The following GALNT13 variants were observed in gnomAD, a reference collection of about 807,000 sequenced individuals.
GALNT13 encodes the protein polypeptide N-acetylgalactosaminyltransferase 13.
Under a neutral mutation model 64.2 loss-of-function variants are expected in GALNT13, and 28 were observed. That is an observed-to-expected ratio of 0.44 (90% CI 0.32 to 0.60). The LOEUF (loss-of-function observed/expected upper bound fraction) is 0.60. Ranked by LOEUF, GALNT13 falls within the 20% of genes least tolerant of loss-of-function variation. The pLI is 0.05. For synonymous variants in GALNT13, 214 were observed against 224.6 expected (o/e 0.95, Z 0.42); for missense variants, 577 against 669.8 (o/e 0.86, Z 1.53).
the GALNT13 span, among the ~76,000 whole-genome samples, chr2:153,178,738 T>C: frequency 2.8e-5 from 4 of 143,174 alleles, no homozygotes; most frequent in Admixed American, 7.0e-5. Flanking sequence ...TCTTCTTTTT[T>C]TTTTTTTTTT....
the GALNT13 span, among the ~76,000 whole-genome samples, chr2:153,267,880 A>G: frequency 1.8e-4 from 27 of 152,162 alleles, no homozygotes; most frequent in African/African-American, 6.3e-4. Flanking sequence ...CAAGAGTTCC[A>G]ACTTCAGATA....
chr2:154,296,086 GC>G lies in GALNT13; in HGVS notation c.976-5321del, dbSNP rs1692907762. On this transcript the variant is annotated intron_variant, in intron 8 of 12. Transcript: ENST00000392825. ...TCAAAGTGTGCCTCCTTGCTGATCT[GC>G]CATATTGTTAGTCCCATAGCTCATT... Among the ~76,000 whole-genome samples the G allele has an allele frequency of 3.9e-5, 6 of 152,134 alleles. No homozygotes were observed. In the South Asian group the frequency reaches 1.2e-3, roughly 32 times the overall value.
At chr2:154,053,939 A>G (rs1213443964) in intron 3 of GALNT13, among the ~76,000 whole-genome samples, 1 of 152,058 alleles carries the variant, frequency 6.6e-6, no homozygotes, top group Non-Finnish European at 1.5e-5. Flanking sequence ...AGATTTTCCT[A>G]TTATTTTATC....
At chr2:153,116,957 G>A in the GALNT13 span, among the ~76,000 whole-genome samples, 5 of 151,604 alleles carry the variant, frequency 3.3e-5, no homozygotes, top group East Asian at 3.9e-4. Context: ...CCGCCACCAC[G>A]CCCGGCTAAT....
chr2:153,739,638 AT>A, the GALNT13 span, among the ~76,000 whole-genome samples: 2 of 115,624 alleles, frequency 1.7e-5, no homozygotes, highest in Non-Finnish European at 3.9e-5. Flanking sequence ...ATTTTATTTT[AT>A]TTTATTTTTA....
At chr2:154,104,221 G>A (rs569757450) in intron 3 of GALNT13, among the ~76,000 whole-genome samples, 3 of 151,900 alleles carry the variant, frequency 2.0e-5, no homozygotes, top group South Asian at 2.1e-4. Context: ...ATGGTGGGGA[G>A]GGGTGTGGCG....
chr2:153,233,425 C>G, the GALNT13 span, among the ~76,000 whole-genome samples: 1 of 151,968 alleles, frequency 6.6e-6, no homozygotes, highest in Admixed American at 6.6e-5. Context: ...TTCACAGGCT[C>G]TCAGCCTGCA....
intron 1 of GALNT13, among the ~76,000 whole-genome samples, chr2:153,898,874 AAT>A (rs1443246145): frequency 4.6e-5 from 7 of 151,124 alleles, no homozygotes; most frequent in Admixed American, 6.6e-5. Context: ...AAAAAAAAAA[AAT>A]GATGGCAATT....
chr2:154,052,356 A>G (rs767706191), intron 3 of GALNT13, among the ~76,000 whole-genome samples: 1 of 152,104 alleles, frequency 6.6e-6, no homozygotes, highest in Non-Finnish European at 1.5e-5. Flanking sequence ...CAATGAGACT[A>G]TTTTTCTTGC....
the GALNT13 span, among the ~76,000 whole-genome samples, chr2:153,779,476 A>G: frequency 6.6e-6 from 1 of 152,194 alleles, no homozygotes; most frequent in Non-Finnish European, 1.5e-5. Flanking sequence ...TTACACTTGG[A>G]TTTTAAAACT....
At chr2:153,604,698 T>C in the GALNT13 span, among the ~76,000 whole-genome samples, 23 of 152,082 alleles carry the variant, frequency 1.5e-4, no homozygotes, top group Admixed American at 3.9e-4. Flanking sequence ...TGTCATTCAG[T>C]GTATATCATT....
chr2:153,440,714 T>G, the GALNT13 span, among the ~76,000 whole-genome samples: 1 of 152,224 alleles, frequency 6.6e-6, no homozygotes. Flanking sequence ...ATGATATGCT[T>G]TTTTTCATAT....
the GALNT13 span, among the ~76,000 whole-genome samples, chr2:153,143,881 A>G: frequency 2.6e-5 from 4 of 152,048 alleles, no homozygotes; most frequent in African/African-American, 7.2e-5. Flanking sequence ...AAGCTTTTCA[A>G]GTATTTTTTT....
At chr2:153,485,785 A>G in the GALNT13 span, among the ~76,000 whole-genome samples, 1 of 152,136 alleles carries the variant, frequency 6.6e-6, no homozygotes, top group Non-Finnish European at 1.5e-5. Flanking sequence ...CTATAGTCCC[A>G]GCTACTTGGG....
At chr2:153,416,090 G>A in the GALNT13 span, among the ~76,000 whole-genome samples, 5 of 152,078 alleles carry the variant, frequency 3.3e-5, no homozygotes, top group African/African-American at 1.2e-4. Flanking sequence ...TAATTACAGT[G>A]GCACAAAAGC....
At chr2:154,044,501 A>G (rs1699180845) in intron 3 of GALNT13, among the ~76,000 whole-genome samples, 2 of 152,170 alleles carry the variant, frequency 1.3e-5, no homozygotes, top group African/African-American at 2.4e-5. Flanking sequence ...GAGCTAGGTC[A>G]TTATAGGCCT....
chr2:154,086,229 A>G (rs941166897), intron 3 of GALNT13, among the ~76,000 whole-genome samples: 11 of 148,296 alleles, frequency 7.4e-5, no homozygotes, highest in African/African-American at 1.7e-4. Context: ...ACCCAATTCT[A>G]CACAACTGAT....
chr2:153,880,377 A>G lies in GALNT13; in HGVS notation c.-177+8074A>G, dbSNP rs1372997280. ...AATGGCTTTTCTTTGGTGTTTTTTA[A>G]AATGAATTTTATTTTAGACCGATGT... On this transcript the variant is annotated intron_variant, in intron 1 of 12. Coordinates refer to ENST00000392825, the MANE Select transcript of GALNT13 (RefSeq NM_052917.4). Among the ~76,000 whole-genome samples the G allele has an allele frequency of 4.6e-5, 7 of 152,274 alleles. No individual in the cohort carries two copies. In the East Asian group the frequency reaches 1.4e-3, roughly 29 times the overall value.
chr2:153,845,995 T>C, the GALNT13 span, among the ~76,000 whole-genome samples: 1 of 152,194 alleles, frequency 6.6e-6, no homozygotes. Context: ...GAATTTTATG[T>C]GTAACAAAAG....
Sources: allele counts gnomAD v4.1 joint callset (sites outside exome capture counted in the v4.1 genomes callset), GRCh38; gene constraint gnomAD v4.1.1; transcripts MANE v1.5; gene names NCBI Gene and HGNC (gene_info 2026-07-23, HGNC 2026-07-21).